ITSN1: variants seen among roughly 807,000 people sequenced by gnomAD.
ITSN1 encodes intersectin 1, also known as intersectin-1.
ITSN1 carries 58 observed loss-of-function variants against 239.8 expected under a neutral mutation model. The observed-to-expected ratio is 0.24, with a 90% CI of 0.20 to 0.30. The LOEUF (loss-of-function observed/expected upper bound fraction) is 0.30, where lower values mean the gene tolerates loss of function less well. ITSN1 is among the 10% of genes least tolerant of loss of function. ITSN1 has a pLI of 1.00. For synonymous variants in ITSN1, 780 were observed against 770.8 expected, an observed-to-expected ratio of 1.01 and a Z score of -0.20; for missense variants, 1,558 against 2,103.3, an observed-to-expected ratio of 0.74 and a Z score of 5.07.
chr21:33,836,585 C>T lies in ITSN1; in HGVS notation c.3614C>T (p.Pro1205Leu). 1 of 1,614,104 alleles carries T rather than the reference C, an allele frequency of 6.2e-7. No homozygotes were observed. The stretch of plus-strand genomic sequence containing the variant: ...GTCAATGGACAAGTGGGGCTCTTCC[C>T]ATCCAATTATGTGAAGCTGACCACA... ...GEVNGQVGLFPSNYVKLTTDM... is the reference protein window; with the variant it reads ...GEVNGQVGLFLSNYVKLTTDM... The change falls in exon 29 of 40, where the codon CCA (proline) becomes CTA (leucine). Residue 1205 changes from proline (P) to leucine (L), a missense_variant. Physicochemically the swap from Pro to Leu is moderately conservative, Grantham distance 98 (BLOSUM62 -3). Coordinates refer to ENST00000381318, the MANE Select transcript of ITSN1 (RefSeq NM_003024.3).
chr21:33,860,222 G>T (rs531832117), intron 31 of ITSN1, among the ~76,000 whole-genome samples: 2 of 150,692 alleles, frequency 1.3e-5, no homozygotes, highest in African/African-American at 4.9e-5. Flanking sequence ...CAGAAGAATC[G>T]CTTGAACCCG....
In ITSN1 at chr21:33,888,204, C is replaced by T; in HGVS notation, c.5070C>T (p.Gly1690=). Reference sequence around the variant, plus strand: ...TGGCGGACATCAAGAAAGACCAGGGCTCCAAAGGTCCAGTTACGAAGTGTC... The same window carrying T: ...TGGCGGACATCAAGAAAGACCAGGGTTCCAAAGGTCCAGTTACGAAGTGTC... ...IRVADIKKDQ[G]SKGPVTKCLL... The change falls in exon 40 of 40, where the codon GGC becomes GGT. Residue 1690 remains glycine, a synonymous_variant. Coordinates refer to ENST00000381318, the MANE Select transcript of ITSN1 (RefSeq NM_003024.3). 1 of 1,614,118 alleles carries T rather than the reference C, an allele frequency of 6.2e-7. No individual in the cohort carries two copies. The highest frequency in any genetic ancestry group is 1.1e-5 in the South Asian group (1 of 91,068).
rs1986547644 is a variant in ITSN1 at position 33,894,117 on chromosome 21, A to G, written c.*5817A>G. On this transcript the variant is annotated 3_prime_UTR_variant, in exon 40 of 40. Coordinates refer to ENST00000381318, the MANE Select transcript of ITSN1 (RefSeq NM_003024.3). The stretch of plus-strand genomic sequence containing the variant: ...CCTTGGTGGCATTCAAGCAAGCCTA[A>G]TTGGATTAGGTTGGTGCAAAAGTGA... 1 of 152,234 alleles carries G rather than the reference A, an allele frequency of 6.6e-6. No individual in the cohort carries two copies. The highest frequency in any genetic ancestry group is 1.5e-5 in the Non-Finnish European group (1 of 68,040). 9.4% of individuals were successfully genotyped at this position (152,234 alleles called of 1,614,324 possible).
chr21:33,807,837 C>G (rs1381756103), intron 20 of ITSN1, among the ~76,000 whole-genome samples: 1 of 152,184 alleles, frequency 6.6e-6, no homozygotes. Context: ...GCAGTTAGAG[C>G]AGGGAACTCC....
intron 1 of ITSN1, among the ~76,000 whole-genome samples, chr21:33,647,299 C>T (rs575951754): frequency 6.6e-6 from 1 of 152,168 alleles, no homozygotes; most frequent in South Asian, 2.1e-4. Flanking sequence ...TTCTTCAAAT[C>T]CTTTTGTGTG....
intron 1 of ITSN1, among the ~76,000 whole-genome samples, chr21:33,710,874 C>T (rs1395848905): frequency 4.0e-5 from 6 of 150,220 alleles, no homozygotes; most frequent in Non-Finnish European, 5.9e-5. Flanking sequence ...GCTGCGATCT[C>T]GGCTCACTGC....
chr21:33,770,500 C>T lies in ITSN1; in HGVS notation c.1043-1561C>T, dbSNP rs80022312. 7.5e-3 allele frequency among the ~76,000 whole-genome samples: 1,142 copies of T among 152,248 alleles called. 15 individuals are homozygous for T. Among genetic ancestry groups the T allele is most frequent in the African/African-American group, 0.026 (1,087 of 41,534 alleles). On this transcript the variant is annotated intron_variant, in intron 11 of 39. Coordinates refer to ENST00000381318, the MANE Select transcript of ITSN1 (RefSeq NM_003024.3). Reference sequence around the variant, plus strand: ...AATGACATTTAGTGCATTCACAGTGCCTTGCAGCCACAACCTCTCTTGTCC... The same window carrying T: ...AATGACATTTAGTGCATTCACAGTGTCTTGCAGCCACAACCTCTCTTGTCC...
chr21:33,697,374 G>A (rs1039856376), intron 1 of ITSN1, among the ~76,000 whole-genome samples: 6 of 151,526 alleles, frequency 4.0e-5, no homozygotes, highest in Admixed American at 3.3e-4. Flanking sequence ...GAGCCACTGT[G>A]CCTAGCCTAG....
chr21:33,769,765 G>A (rs773292028), intron 11 of ITSN1, among the ~76,000 whole-genome samples: 9 of 151,168 alleles, frequency 6.0e-5, no homozygotes, highest in African/African-American at 1.5e-4. Flanking sequence ...GCGTAATCTC[G>A]GCTCACTGCA....
At chr21:33,858,492 A>AC (rs546993893) in intron 30 of ITSN1, among the ~76,000 whole-genome samples, 194 bp from the exon 31 acceptor site, 273 of 151,366 alleles carry the variant, frequency 1.8e-3, no homozygotes, top group South Asian at 2.5e-3. Flanking sequence ...CCTGCTGGGG[A>AC]CCCCCCTCCG....
intron 8 of ITSN1, among the ~76,000 whole-genome samples, chr21:33,759,076 T>G (rs745897317): frequency 2.0e-5 from 3 of 152,202 alleles, no homozygotes; most frequent in Non-Finnish European, 4.4e-5. Context: ...TGGCAAACAT[T>G]TTCTGTAAAG....
chr21:33,802,359 G>T, intron 19 of ITSN1, 71 bp from the exon 20 acceptor site: 2 of 1,461,908 alleles, frequency 1.4e-6, no homozygotes, highest in Non-Finnish European at 1.9e-6. Flanking sequence ...GTTTAGATAT[G>T]CTGTAAGAAT....
intron 34 of ITSN1, among the ~76,000 whole-genome samples, chr21:33,880,679 G>T (rs376852903): frequency 6.6e-6 from 1 of 152,056 alleles, no homozygotes; most frequent in Non-Finnish European, 1.5e-5. Flanking sequence ...CACATGTTAC[G>T]AACCTATCAC....
chr21:33,668,665 A>C (rs1252101083), intron 1 of ITSN1, among the ~76,000 whole-genome samples: 5 of 152,158 alleles, frequency 3.3e-5, no homozygotes, highest in African/African-American at 1.2e-4. Flanking sequence ...CTCCACTTGT[A>C]CTTTGAGTTA....
intron 1 of ITSN1, among the ~76,000 whole-genome samples, chr21:33,710,368 C>A (rs2092380632): frequency 6.6e-6 from 1 of 152,018 alleles, no homozygotes; most frequent in South Asian, 2.1e-4. Context: ...CCACACCCGG[C>A]CTGGTTTTTT....
At chr21:33,743,744 T>G (rs907731184) in intron 5 of ITSN1, among the ~76,000 whole-genome samples, 1 of 152,130 alleles carries the variant, frequency 6.6e-6, no homozygotes, top group Non-Finnish European at 1.5e-5. Flanking sequence ...TATTTAGACA[T>G]GTAGAAAAAG....
At chr21:33,739,417 T>A (rs893017969) in intron 5 of ITSN1, among the ~76,000 whole-genome samples, 1 of 152,218 alleles carries the variant, frequency 6.6e-6, no homozygotes, top group Non-Finnish European at 1.5e-5. Flanking sequence ...ACCAGTGTTT[T>A]GTAAGCCCCT....
chr21:33,876,809 G>T (rs143698913), intron 34 of ITSN1, among the ~76,000 whole-genome samples: 1 of 152,110 alleles, frequency 6.6e-6, no homozygotes, highest in African/African-American at 2.4e-5. Context: ...GAGTTCAAGG[G>T]TAAGGTGAGC....
chr21:33,777,944 T>C (rs2069777050), intron 14 of ITSN1, among the ~76,000 whole-genome samples: 2 of 152,166 alleles, frequency 1.3e-5, no homozygotes, highest in African/African-American at 4.8e-5. Context: ...TTTTATCAGG[T>C]TGATGGACTT....
Sources: allele counts gnomAD v4.1 joint callset (sites outside exome capture counted in the v4.1 genomes callset), GRCh38; gene constraint gnomAD v4.1.1; transcripts MANE v1.5; gene names NCBI Gene and HGNC (gene_info 2026-07-23, HGNC 2026-07-21).